The following RPS6KC1 variants were observed in gnomAD, a reference collection of about 807,000 sequenced individuals.
RPS6KC1 encodes ribosomal protein S6 kinase C1.
A neutral mutation model predicts 103.8 loss-of-function variants in RPS6KC1; 54 were observed. The observed-to-expected ratio is 0.52, with a 90% CI of 0.42 to 0.65. The LOEUF is 0.65. RPS6KC1 is among the 30% of genes least tolerant of loss of function. RPS6KC1 has a pLI of 0.00. For missense variants in RPS6KC1, 1,151 were observed against 1,253.8 expected, an observed-to-expected ratio of 0.92 and a Z score of 1.24; for synonymous variants, 439 against 438.7, an observed-to-expected ratio of 1.00 and a Z score of -0.01.
chr1:213,275,126 A>G (rs2095109382), downstream of RPS6KC1, among the ~76,000 whole-genome samples: 1 of 152,212 alleles, frequency 6.6e-6, no homozygotes, highest in African/African-American at 2.4e-5. Context: ...ATGCTGTAGC[A>G]TTTATCAGAA....
At chr1:213,242,425 A>G in intron 11 of RPS6KC1, 128 bp downstream of exon 11, 2 of 1,181,588 alleles carry the variant, frequency 1.7e-6, no homozygotes, top group South Asian at 2.7e-5. Flanking sequence ...CAGCAAATTC[A>G]CCCCCAGTAA....
At chr1:213,783,935 T>G in the RPS6KC1 span, among the ~76,000 whole-genome samples, 4 of 152,104 alleles carry the variant, frequency 2.6e-5, no homozygotes, top group African/African-American at 9.7e-5. Context: ...TCCTTTTGAA[T>G]TCCAGTTTAG....
the RPS6KC1 span, among the ~76,000 whole-genome samples, chr1:213,354,762 A>T: frequency 2.0e-5 from 3 of 152,214 alleles, no homozygotes; most frequent in Admixed American, 2.0e-4. Context: ...TCATTAACTC[A>T]TTAATCCACA....
At chr1:213,621,503 T>C in the RPS6KC1 span, among the ~76,000 whole-genome samples, 1 of 151,984 alleles carries the variant, frequency 6.6e-6, no homozygotes, top group Admixed American at 6.6e-5. Context: ...AGAAGCTTAG[T>C]TGGTGAAGGT....
chr1:213,678,470 AGAACAGTTAG>A, the RPS6KC1 span, among the ~76,000 whole-genome samples: 6,968 of 152,272 alleles, frequency 0.046, 539 homozygotes, highest in African/African-American at 0.16. Context: ...ATGATCTAAT[AGAACAGTTAG>A]GAACTGTTGT....
At chr1:213,679,953 A>G in the RPS6KC1 span, among the ~76,000 whole-genome samples, 4 of 152,240 alleles carry the variant, frequency 2.6e-5, no homozygotes, top group Non-Finnish European at 4.4e-5. Flanking sequence ...GACAAAACAG[A>G]TATATTTAAG....
At chr1:213,271,875 T>C (rs2095055751) in intron 14 of RPS6KC1, among the ~76,000 whole-genome samples, 1 of 152,112 alleles carries the variant, frequency 6.6e-6, no homozygotes, top group Non-Finnish European at 1.5e-5. Flanking sequence ...TGAATTTATA[T>C]AAATTATCCT....
the RPS6KC1 span, among the ~76,000 whole-genome samples, chr1:213,434,474 G>A: frequency 6.7e-6 from 1 of 149,808 alleles, no homozygotes; most frequent in East Asian, 2.0e-4. Context: ...CTTTTTTGTT[G>A]AGACAGAGTG....
chr1:213,143,262 T>C (rs867455815), intron 6 of RPS6KC1, among the ~76,000 whole-genome samples: 30 of 152,150 alleles, frequency 2.0e-4, no homozygotes, highest in Middle Eastern at 6.8e-3. Flanking sequence ...ACATAAAAGG[T>C]GAAATTTAAT....
chr1:213,326,768 C>G, the RPS6KC1 span, among the ~76,000 whole-genome samples: 5 of 152,150 alleles, frequency 3.3e-5, no homozygotes, highest in South Asian at 2.1e-4. Flanking sequence ...GTGAGAGAAA[C>G]TGATTGTGTA....
chr1:213,556,118 A>G, the RPS6KC1 span, among the ~76,000 whole-genome samples: 82 of 152,362 alleles, frequency 5.4e-4, no homozygotes, highest in African/African-American at 1.9e-3. Context: ...TTGAGGATTT[A>G]TTGAATGTTT....
the RPS6KC1 span, among the ~76,000 whole-genome samples, chr1:213,671,278 G>C: frequency 2.0e-5 from 3 of 151,960 alleles, no homozygotes; most frequent in African/African-American, 7.3e-5. Flanking sequence ...GGCACAAAGA[G>C]ACAAATACCA....
the RPS6KC1 span, among the ~76,000 whole-genome samples, chr1:213,327,238 A>AAGAAAGAAAG: frequency 1.3e-5 from 2 of 149,580 alleles, no homozygotes; most frequent in Non-Finnish European, 2.9e-5. Flanking sequence ...AAGAAAAGAA[A>AAGAAAGAAAG]AGAAAGAAAG....
chr1:213,835,641 C>G, the RPS6KC1 span, among the ~76,000 whole-genome samples: 29 of 152,198 alleles, frequency 1.9e-4, no homozygotes, highest in Non-Finnish European at 3.5e-4. Context: ...ATCCTTTTCT[C>G]CAGGTATACC....
At chr1:213,174,816 G>A (rs75958695) in intron 7 of RPS6KC1, among the ~76,000 whole-genome samples, 1,878 of 151,306 alleles carry the variant, frequency 0.012, 25 homozygotes, top group South Asian at 0.028. Context: ...AAATATATCC[G>A]TTTTTTTTAT....
intron 3 of RPS6KC1, among the ~76,000 whole-genome samples, chr1:213,082,838 A>G (rs893949575): frequency 1.3e-5 from 2 of 152,214 alleles, no homozygotes; most frequent in African/African-American, 2.4e-5. Context: ...AATATGGCCT[A>G]AAGATGAAGC....
chr1:213,787,562 C>T, the RPS6KC1 span, among the ~76,000 whole-genome samples: 1 of 151,992 alleles, frequency 6.6e-6, no homozygotes, highest in Non-Finnish European at 1.5e-5. Flanking sequence ...GTGGAGTTCA[C>T]AGTACTTATT....
At chr1:213,637,617 A>T in the RPS6KC1 span, among the ~76,000 whole-genome samples, 1 of 152,094 alleles carries the variant, frequency 6.6e-6, no homozygotes, top group African/African-American at 2.4e-5. Context: ...ACTGGTTGAA[A>T]TGATAAGTTT....
the RPS6KC1 span, among the ~76,000 whole-genome samples, chr1:213,805,671 T>C: frequency 6.6e-6 from 1 of 152,230 alleles, no homozygotes; most frequent in Admixed American, 6.5e-5. Context: ...AATCAGCTTC[T>C]TCCAAACTCC....
Sources: gnomAD v4.1 joint callset for allele counts (sites outside exome capture counted in the v4.1 genomes callset) on GRCh38, gnomAD v4.1.1 for gene constraint, MANE v1.5 for transcripts, NCBI Gene and HGNC (gene_info 2026-07-23, HGNC 2026-07-21) for gene names.